The following PINX1 variants were observed in gnomAD, a reference collection of about 807,000 sequenced individuals.
PINX1 encodes PIN2 (TERF1) interacting telomerase inhibitor 1, also known as PIN2/TERF1-interacting telomerase inhibitor 1.
In PINX1, 34 loss-of-function variants were observed where a neutral mutation model predicts 25.4. The observed-to-expected ratio is 1.34, with a 90% CI of 1.02 to 1.78. The LOEUF (loss-of-function observed/expected upper bound fraction) is 1.78. PINX1 is among the 40% of genes most tolerant of loss of function. PINX1 has a pLI of 0.00. For missense variants in PINX1, 592 were observed against 404.9 expected (o/e 1.46, Z -3.97); for synonymous variants, 197 against 147.7 (o/e 1.33, Z -2.42).
At chr8:10,835,449 A>C (rs1319119034) in intron 1 of PINX1, among the ~76,000 whole-genome samples, 1 of 152,332 alleles carries the variant, frequency 6.6e-6, no homozygotes, top group East Asian at 1.9e-4. Context: ...AATAGTCATT[A>C]TGCTCTTGGG....
intron 6 of PINX1, chr8:10,771,447 C>G (rs1170269086): frequency 6.6e-6 from 1 of 152,228 alleles, no homozygotes; most frequent in Non-Finnish European, 1.5e-5. Context: ...TGTTTATTCC[C>G]CATAATAGCA....
chr8:10,765,165 T>G lies in PINX1; in HGVS notation c.*236A>C. The G allele has an allele frequency of 1.9e-6, 1 of 515,566 alleles. No individual in the cohort carries two copies. Among genetic ancestry groups the G allele is most frequent in the Non-Finnish European group, 3.4e-6 (1 of 294,312 alleles). 31.9% of individuals were successfully genotyped at this position (515,566 alleles called of 1,614,324 possible). On this transcript the variant is annotated 3_prime_UTR_variant, in exon 7 of 7. Transcript: ENST00000314787. Reference sequence around the variant, plus strand: ...AACTCTCTTGCTGAAGGGCTCAGAGTTTACAAAAAAATTTATTTGTGTCTG... The same window carrying G: ...AACTCTCTTGCTGAAGGGCTCAGAGGTTACAAAAAAATTTATTTGTGTCTG...
At chr8:10,822,890 A>G (rs1036050290) in intron 5 of PINX1, among the ~76,000 whole-genome samples, 4 of 152,258 alleles carry the variant, frequency 2.6e-5, no homozygotes, top group African/African-American at 7.2e-5. Context: ...AGGTAGCTTC[A>G]ATAGTTTAGA....
At chr8:10,831,314 T>A (rs975477377) in intron 4 of PINX1, among the ~76,000 whole-genome samples, 1 of 152,156 alleles carries the variant, frequency 6.6e-6, no homozygotes. Flanking sequence ...CAGCTAAAGA[T>A]TGGCTAATGG....
At chr8:10,807,486 G>C (rs534318330) in intron 6 of PINX1, among the ~76,000 whole-genome samples, 5 of 152,060 alleles carry the variant, frequency 3.3e-5, no homozygotes, top group African/African-American at 1.2e-4. Context: ...ACTCATGAAA[G>C]GATATGAATC....
chr8:10,788,162 C>T (rs542742526), intron 6 of PINX1, among the ~76,000 whole-genome samples: 1 of 152,208 alleles, frequency 6.6e-6, no homozygotes, highest in South Asian at 2.1e-4. Flanking sequence ...ATGAGGCTGG[C>T]CACGAATTGA....
At position 10,839,783 on chromosome 8, in the gene PINX1, T is replaced by C. The variant is rs1248105002; in HGVS notation, c.-27A>G. ...TCGGAGAGCCTGTGATACCGCCGCC[T>C]CTGGACCTGGGTGACTGCGGCCACT... On this transcript the variant is annotated 5_prime_UTR_variant, in exon 1 of 7. Transcript: ENST00000314787. 2.5e-6 allele frequency: 4 copies of C among 1,598,358 alleles called. No homozygotes were observed. In the East Asian group the frequency reaches 9.1e-5, roughly 36 times the overall value.
chr8:10,828,755 G>T (rs755593623), intron 4 of PINX1, among the ~76,000 whole-genome samples: 3 of 152,110 alleles, frequency 2.0e-5, no homozygotes, highest in African/African-American at 4.8e-5. Context: ...CACCAATCTG[G>T]CCGTCCTTTC....
chr8:10,796,689 C>T (rs1389341874), intron 6 of PINX1, among the ~76,000 whole-genome samples: 1 of 151,752 alleles, frequency 6.6e-6, no homozygotes, highest in Non-Finnish European at 1.5e-5. Flanking sequence ...ATTTTTTCCC[C>T]TTAGTAACCT....
chr8:10,802,411 A>G (rs1802294996), intron 6 of PINX1, among the ~76,000 whole-genome samples: 1 of 152,172 alleles, frequency 6.6e-6, no homozygotes. Context: ...GACAACCTGC[A>G]CTCTGGAGAC....
intron 6 of PINX1, among the ~76,000 whole-genome samples, chr8:10,804,862 G>C (rs1346015309): frequency 6.6e-6 from 1 of 151,382 alleles, no homozygotes; most frequent in Non-Finnish European, 1.5e-5. Context: ...CACAACCCTG[G>C]GTATGGGTTT....
chr8:10,813,067 T>C (rs542987744), intron 6 of PINX1, among the ~76,000 whole-genome samples: 33 of 152,242 alleles, frequency 2.2e-4, no homozygotes, highest in Non-Finnish European at 2.1e-4. Flanking sequence ...GATTCTGTTA[T>C]CAATGGTCAA....
chr8:10,795,006 C>T (rs115841690), intron 6 of PINX1, among the ~76,000 whole-genome samples: 9 of 152,220 alleles, frequency 5.9e-5, no homozygotes, highest in Middle Eastern at 3.4e-3. Context: ...GAACACCTCA[C>T]GTTTCCAAAT....
In PINX1 at chr8:10,780,109, G is replaced by C. The variant is rs148074915; in HGVS notation, c.472-14193C>G. ...TTACTGCATTCATTTAGTTCTAACA[G>C]TTTTCTGGTAGTCTTTGGGGTTTTC... On this transcript the variant is annotated intron_variant, in intron 6 of 6. Coordinates refer to ENST00000314787, the MANE Select transcript of PINX1 (RefSeq NM_017884.6). 6.3e-3 allele frequency among the ~76,000 whole-genome samples: 966 copies of C among 152,274 alleles called. 9 individuals are homozygous for C. The highest frequency in any genetic ancestry group is 8.5e-3 in the Non-Finnish European group (579 of 68,010).
Position 10,775,416 on chromosome 8 carries a change from T to G in PINX1, c.472-9500A>C, listed in dbSNP as rs1397545964. Among the ~76,000 whole-genome samples, 135 of 145,826 alleles carry G rather than the reference T, an allele frequency of 9.3e-4. 2 individuals are homozygous for G. The highest frequency in any genetic ancestry group is 4.8e-3 in the Admixed American group (70 of 14,650). On this transcript the variant is annotated intron_variant, in intron 6 of 6. Coordinates refer to ENST00000314787, the MANE Select transcript of PINX1 (RefSeq NM_017884.6). ...TAGTTCTGTCTGTTTTGTGGTTTTT[T>G]TTTTTTTTTTTTTTTTTTTTTTTTG...
chr8:10,794,273 A>T (rs886563055), intron 6 of PINX1, among the ~76,000 whole-genome samples: 13 of 152,222 alleles, frequency 8.5e-5, no homozygotes, highest in African/African-American at 3.1e-4. Context: ...TAAAATTTTA[A>T]ATTACATTTA....
chr8:10,826,925 T>C (rs959246850), intron 4 of PINX1, among the ~76,000 whole-genome samples: 2 of 152,214 alleles, frequency 1.3e-5, no homozygotes, highest in Non-Finnish European at 2.9e-5. Context: ...ACCATTGTGG[T>C]TGCTGCATGA....
At chr8:10,778,700 C>A (rs184931553) in intron 6 of PINX1, among the ~76,000 whole-genome samples, 1 of 152,158 alleles carries the variant, frequency 6.6e-6, no homozygotes, top group Non-Finnish European at 1.5e-5. Context: ...ATCCTGGAAC[C>A]CTTTTTGGTA....
intron 6 of PINX1, among the ~76,000 whole-genome samples, chr8:10,776,589 AAC>A (rs1405554433): frequency 1.3e-5 from 2 of 152,274 alleles, no homozygotes; most frequent in East Asian, 1.9e-4. Context: ...CAAAAATGGT[AAC>A]ACAGAATCAA....
Sources: allele counts gnomAD v4.1 joint callset (sites outside exome capture counted in the v4.1 genomes callset), GRCh38; gene constraint gnomAD v4.1.1; transcripts MANE v1.5; gene names NCBI Gene and HGNC (gene_info 2026-07-23, HGNC 2026-07-21).